SQOR: variants seen among roughly 807,000 people sequenced by gnomAD.
SQOR encodes sulfide:quinone oxidoreductase, mitochondrial.
Under a neutral mutation model 48.6 loss-of-function variants are expected in SQOR, and 39 were observed. That is an observed-to-expected ratio of 0.80 (90% CI 0.62 to 1.05). The LOEUF (loss-of-function observed/expected upper bound fraction) is 1.05, where lower values mean the gene tolerates loss of function less well. Ranked by LOEUF, SQOR falls within the 50% of genes least tolerant of loss-of-function variation. The pLI, the probability that SQOR is intolerant of heterozygous loss-of-function variation, is 0.00. For missense variants in SQOR, 561 were observed against 559.9 expected, an observed-to-expected ratio of 1.00 and a Z score of -0.02; for synonymous variants, 220 against 206.2, an observed-to-expected ratio of 1.07 and a Z score of -0.57.
chr15:45,640,794 G>T (rs1238885214), intron 1 of SQOR, among the ~76,000 whole-genome samples: 2 of 152,182 alleles, frequency 1.3e-5, no homozygotes, highest in Non-Finnish European at 2.9e-5. Flanking sequence ...TCCCTGTTGT[G>T]TGACTGGGAG....
chr15:45,690,827 G>A, intron 9 of SQOR, 146 bp from the exon 10 acceptor site: 2 of 741,056 alleles, frequency 2.7e-6, no homozygotes, highest in South Asian at 3.1e-5. Context: ...CTAGTCATGG[G>A]ATCTCTCCAA....
intron 5 of SQOR, among the ~76,000 whole-genome samples, chr15:45,675,135 G>A (rs1890014016): frequency 1.3e-5 from 2 of 152,134 alleles, no homozygotes; most frequent in Admixed American, 1.3e-4. Flanking sequence ...GGTGAGATCC[G>A]GGTGAGCAAA....
intron 1 of SQOR, among the ~76,000 whole-genome samples, chr15:45,644,775 C>T (rs941707722): frequency 6.6e-6 from 1 of 152,164 alleles, no homozygotes; most frequent in African/African-American, 2.4e-5. Flanking sequence ...TAGAGTGCTC[C>T]AGGATTCATG....
intron 4 of SQOR, 130 bp from the exon 5 acceptor site, chr15:45,673,477 C>T (rs1889977774): frequency 3.0e-6 from 3 of 1,004,314 alleles, no homozygotes; most frequent in African/African-American, 1.6e-5. Flanking sequence ...CCTGCCTGCT[C>T]TAGGCATGTG....
chr15:45,668,903 A>G (rs569219000), intron 3 of SQOR, among the ~76,000 whole-genome samples: 1 of 152,124 alleles, frequency 6.6e-6, no homozygotes, highest in African/African-American at 2.4e-5. Context: ...CATTTCCATC[A>G]TGCTACTTAT....
chr15:45,647,212 G>A (rs766751428), intron 1 of SQOR, among the ~76,000 whole-genome samples: 16 of 151,784 alleles, frequency 1.1e-4, no homozygotes, highest in African/African-American at 2.7e-4. Context: ...TCATGCCACC[G>A]CACTCCAGTC....
At chr15:45,670,548 C>A (rs1889920163) in intron 4 of SQOR, among the ~76,000 whole-genome samples, 1 of 152,214 alleles carries the variant, frequency 6.6e-6, no homozygotes, top group Admixed American at 6.5e-5. Flanking sequence ...GATTCAACTT[C>A]ATTTTTCTAA....
chr15:45,689,480 C>T lies in SQOR; in HGVS notation c.1295+263C>T, dbSNP rs1210654213. 2.2e-5 allele frequency: 5 copies of T among 226,154 alleles called. No individual in the cohort carries two copies. The East Asian group carries it at 4.4e-4, about 20-fold the overall frequency. The allele number at this position is 226,154 out of a possible 1,614,324, so 14.0% of individuals were successfully genotyped here. A position where few individuals can be genotyped will look rare whatever the true frequency, so the allele number is the denominator to read the frequency against. ...TTGCCCAGGTTGGAGTGCAGTGGCACAATCTTGGCTCACTGCAACCTCCAC... is the reference window on the plus strand; with the variant it reads ...TTGCCCAGGTTGGAGTGCAGTGGCATAATCTTGGCTCACTGCAACCTCCAC... On this transcript the variant is annotated intron_variant, in intron 9 of 9. Transcript: ENST00000260324.
intron 1 of SQOR, among the ~76,000 whole-genome samples, chr15:45,655,847 C>A (rs1441294341): frequency 6.6e-6 from 1 of 151,966 alleles, no homozygotes; most frequent in Non-Finnish European, 1.5e-5. Flanking sequence ...CCATGCCCAG[C>A]TAATTTTTTT....
In SQOR at chr15:45,689,095, T is replaced by C. The variant is rs766072363; in HGVS notation, c.1173T>C (p.Ala391=). 1.2e-6 allele frequency: 2 copies of C among 1,614,224 alleles called. No homozygotes were observed. Among genetic ancestry groups the C allele is most frequent in the Non-Finnish European group, 1.7e-6 (2 of 1,180,036 alleles). ...CCGGCTACAACCGTGTGATTCTTGC[T>C]GAGTTTGACTACAAAGCAGAGCCGC... ...LVTGYNRVIL[A]EFDYKAEPLE... The change falls in exon 9 of 10, where the codon GCT becomes GCC. Residue 391 remains alanine, a synonymous_variant. Coordinates refer to ENST00000260324, the MANE Select transcript of SQOR (RefSeq NM_021199.4).
At chr15:45,639,681 G>C (rs1208435436) in intron 1 of SQOR, among the ~76,000 whole-genome samples, 1 of 152,236 alleles carries the variant, frequency 6.6e-6, no homozygotes, top group Non-Finnish European at 1.5e-5. Context: ...AAAATGATGT[G>C]TTTTAACAAC....
intron 1 of SQOR, chr15:45,646,058 A>G (rs1449121735): frequency 6.6e-6 from 1 of 152,220 alleles, no homozygotes; most frequent in Non-Finnish European, 1.5e-5. Flanking sequence ...TGGATATTGT[A>G]TCTAATTTTG....
Position 45,658,904 on chromosome 15 carries a change from C to T in SQOR, c.-17-3C>T. 2 of 1,512,878 alleles carry T rather than the reference C, an allele frequency of 1.3e-6. No homozygotes were observed. The highest frequency in any genetic ancestry group is 1.8e-6 in the Non-Finnish European group (2 of 1,124,368). The allele number at this position is 1,512,878 out of a possible 1,614,324, so 93.7% of individuals were successfully genotyped here. ...ACTCACAGCCCTGTCTCTTCCCTTC[C>T]AGCCTGATCCTGCCTGAAGATGGTG... is the stretch of plus-strand genomic sequence containing the variant. On this transcript the variant is annotated splice_polypyrimidine_tract_variant and splice_region_variant and intron_variant, in intron 1 of 9. Transcript: ENST00000260324.
chr15:45,676,423 G>A, intron 6 of SQOR, 113 bp downstream of exon 6: 2 of 1,087,682 alleles, frequency 1.8e-6, no homozygotes, highest in Admixed American at 4.8e-5. Context: ...GGGAAGACTG[G>A]GTGAAATGAG....
At chr15:45,661,860 G>C in intron 2 of SQOR, 95 bp from the exon 3 acceptor site, 1 of 1,298,912 alleles carries the variant, frequency 7.7e-7, no homozygotes, top group South Asian at 1.5e-5. Flanking sequence ...AAGGTCAGGA[G>C]GGAGTGATTG....
At chr15:45,689,415 TA>T in intron 9 of SQOR, 198 bp downstream of exon 9, 1 of 434,450 alleles carries the variant, frequency 2.3e-6, no homozygotes, top group Non-Finnish European at 4.0e-6. Flanking sequence ...TCTGCTACCT[TA>T]CTTTTTTTTT....
chr15:45,633,055 C>G (rs1014639515), upstream of SQOR, among the ~76,000 whole-genome samples: 3 of 151,440 alleles, frequency 2.0e-5, no homozygotes, highest in Non-Finnish European at 4.4e-5. Context: ...CTCCAGAGGT[C>G]AAGGCTGCAG....
At chr15:45,661,684 A>C (rs1281348100) in intron 2 of SQOR, among the ~76,000 whole-genome samples, 2 of 152,306 alleles carry the variant, frequency 1.3e-5, no homozygotes, top group Middle Eastern at 3.4e-3. Context: ...CACCAAATCA[A>C]CTTTCAGCAA....
chr15:45,642,243 G>C (rs1458191991), intron 1 of SQOR, among the ~76,000 whole-genome samples: 1 of 152,194 alleles, frequency 6.6e-6, no homozygotes, highest in East Asian at 1.9e-4. Flanking sequence ...CACCAGGGCT[G>C]AGCAGGTAAC....
Sources: gnomAD v4.1 joint callset for allele counts (sites outside exome capture counted in the v4.1 genomes callset) on GRCh38, gnomAD v4.1.1 for gene constraint, MANE v1.5 for transcripts, NCBI Gene and HGNC (gene_info 2026-07-23, HGNC 2026-07-21) for gene names.